FOCAD: variants seen among roughly 807,000 people sequenced by gnomAD.
FOCAD encodes the protein KIAA1797.
Under a neutral mutation model 225.6 loss-of-function variants are expected in FOCAD, and 198 were observed. The ratio of observed to expected loss-of-function variants is 0.88; its 90% confidence interval spans 0.78 to 0.99. The LOEUF (loss-of-function observed/expected upper bound fraction) is 0.99. Among genes scored for constraint, FOCAD ranks in the 50% least tolerant of loss-of-function variants. The probability of loss-of-function intolerance (pLI) is 0.00; values close to 1 mark genes in which losing one functional copy is unlikely to be tolerated. For missense variants in FOCAD, 2,713 were observed against 2,123.6 expected (o/e 1.28, Z -5.46); for synonymous variants, 897 against 755.0 (o/e 1.19, Z -3.08).
intron 1 of FOCAD, among the ~76,000 whole-genome samples, chr9:20,702,829 T>G (rs1001229436): frequency 2.0e-5 from 3 of 152,120 alleles, no homozygotes; most frequent in Non-Finnish European, 2.9e-5. Flanking sequence ...TCTTGTGGAG[T>G]GCTTAGCACA....
At chr9:20,839,971 G>T (rs1412324815) in intron 15 of FOCAD, among the ~76,000 whole-genome samples, 2 of 152,032 alleles carry the variant, frequency 1.3e-5, no homozygotes, top group African/African-American at 4.8e-5. Context: ...GTTCACTCTA[G>T]ATGTATGGAT....
chr9:20,953,165 A>T, intron 35 of FOCAD, 100 bp downstream of exon 35: 1 of 913,654 alleles, frequency 1.1e-6, no homozygotes, highest in African/African-American at 1.7e-5. Context: ...AAGCAATATA[A>T]ATCTGAAGGG....
chr9:20,973,932 C>G (rs1028119675), intron 35 of FOCAD, among the ~76,000 whole-genome samples: 3 of 106,128 alleles, frequency 2.8e-5, no homozygotes, highest in Non-Finnish European at 4.2e-5. Context: ...ATGGCCTCTG[C>G]TTCTCCTTTT....
At chr9:20,924,968 T>C (rs1834804788) in intron 25 of FOCAD, among the ~76,000 whole-genome samples, 1 of 152,134 alleles carries the variant, frequency 6.6e-6, no homozygotes, top group Non-Finnish European at 1.5e-5. Context: ...ATTGAGCATT[T>C]AACTAACCTT....
At position 20,993,292 on chromosome 9, in the gene FOCAD, G is replaced by C; in HGVS notation, c.5296G>C (p.Glu1766Gln). 6.2e-7 allele frequency: 1 copy of C among 1,614,014 alleles called. No homozygotes were observed. Among genetic ancestry groups the C allele is most frequent in the Non-Finnish European group, 8.5e-7 (1 of 1,179,950 alleles). The change falls in exon 43 of 44, where the codon GAA becomes CAA. Residue 1766 changes from glutamate (E) to glutamine (Q), a missense_variant. Physicochemically the swap from Glu to Gln is conservative, Grantham distance 29 (BLOSUM62 2). Transcript: ENST00000338382. ...WLFSIMESPK[E>Q]ALSAQSRDLL... ...ATTCAGCATCATGGAAAGCCCTAAA[G>C]AAGCCCTCTCAGCACAGTCCAGGGA... is the stretch of plus-strand genomic sequence containing the variant.
intron 4 of FOCAD, among the ~76,000 whole-genome samples, chr9:20,728,346 C>T (rs142911809): frequency 3.4e-4 from 52 of 152,238 alleles, no homozygotes; most frequent in Middle Eastern, 3.4e-3. Context: ...ATTTCATGTA[C>T]ACCTTATACA....
intron 10 of FOCAD, among the ~76,000 whole-genome samples, chr9:20,785,203 A>T (rs1819788868): frequency 6.6e-6 from 1 of 152,246 alleles, no homozygotes; most frequent in Admixed American, 6.5e-5. Context: ...ACTGTCATGC[A>T]GTGGGAACCC....
At chr9:20,828,944 A>G (rs1285215243) in intron 15 of FOCAD, among the ~76,000 whole-genome samples, 1 of 152,124 alleles carries the variant, frequency 6.6e-6, no homozygotes, top group Non-Finnish European at 1.5e-5. Context: ...AGCTCCATCC[A>G]TGTTCCTGCA....
rs79574715 is a variant in FOCAD, at chr9:20,986,692, A to T, written c.4906+227A>T. ...ATTCTTTCGAGGGGTTTTGTTTTCT[A>T]TTTGGCTCTGTAGACCCTCACAGTT... On this transcript the variant is annotated intron_variant, in intron 40 of 43. Coordinates refer to ENST00000338382, the MANE Select transcript of FOCAD (RefSeq NM_001375567.1). Among the ~76,000 whole-genome samples the T allele has an allele frequency of 6.6e-3, 1,007 of 152,170 alleles. 12 individuals carry two copies. Among genetic ancestry groups the T allele is most frequent in the African/African-American group, 0.023 (952 of 41,512 alleles).
Position 20,795,676 on chromosome 9 carries a change from C to T in FOCAD, c.1455+6068C>T, listed in dbSNP as rs961893446. Among the ~76,000 whole-genome samples, 24 of 145,178 alleles carry T rather than the reference C, an allele frequency of 1.7e-4. No individual in the cohort carries two copies. In the South Asian group the frequency reaches 4.3e-3, roughly 26 times the overall value. ...GCGGGTGCCTGTAGTCCCAGCTACT[C>T]GGGAGTCTGAGGCAGGAGAATGGCG... On this transcript the variant is annotated intron_variant, in intron 11 of 43. Transcript: ENST00000338382.
At chr9:20,737,374 A>G (rs1427277108) in intron 4 of FOCAD, among the ~76,000 whole-genome samples, 2 of 152,252 alleles carry the variant, frequency 1.3e-5, no homozygotes, top group African/African-American at 2.4e-5. Flanking sequence ...AGGAAAACCA[A>G]TATAGTTTCA....
chr9:20,728,362 C>A (rs1054557395), intron 4 of FOCAD, among the ~76,000 whole-genome samples: 1 of 152,020 alleles, frequency 6.6e-6, no homozygotes, highest in Non-Finnish European at 1.5e-5. Context: ...ATACAGATAG[C>A]CTGAAGGTAA....
intron 34 of FOCAD, 51 bp downstream of exon 34, chr9:20,951,149 C>G (rs749650026): frequency 3.6e-6 from 5 of 1,373,906 alleles, no homozygotes; most frequent in Admixed American, 3.4e-5. Flanking sequence ...GATTGCCGAC[C>G]CAGCGCTCTG....
chr9:20,825,289 C>A (rs1369895223), intron 15 of FOCAD, among the ~76,000 whole-genome samples: 1 of 151,786 alleles, frequency 6.6e-6, no homozygotes, highest in African/African-American at 2.4e-5. Context: ...TAACTGGGGG[C>A]TCATCTTTTG....
chr9:20,930,178 T>C (rs1835333492), intron 27 of FOCAD, among the ~76,000 whole-genome samples: 1 of 106,578 alleles, frequency 9.4e-6, no homozygotes, highest in Non-Finnish European at 2.2e-5. Context: ...TTGCTCATTT[T>C]TGGACTGCTA....
chr9:20,817,033 C>G (rs747032671), intron 11 of FOCAD, among the ~76,000 whole-genome samples: 9 of 152,082 alleles, frequency 5.9e-5, no homozygotes, highest in Non-Finnish European at 1.3e-4. Flanking sequence ...TCTGACCATC[C>G]TGGAACCAGT....
intron 15 of FOCAD, among the ~76,000 whole-genome samples, chr9:20,838,000 G>A (rs945439703): frequency 1.3e-5 from 2 of 152,116 alleles, no homozygotes; most frequent in Admixed American, 6.6e-5. Context: ...TTAAGACAGC[G>A]AGACTGGTAA....
intron 1 of FOCAD, among the ~76,000 whole-genome samples, chr9:20,714,897 G>A (rs889931950): frequency 3.5e-4 from 53 of 152,150 alleles, no homozygotes; most frequent in African/African-American, 1.2e-3. Flanking sequence ...GTCACTAGCA[G>A]TTGGATTAGT....
At chr9:20,970,072 A>G (rs957711908) in intron 35 of FOCAD, among the ~76,000 whole-genome samples, 1 of 151,636 alleles carries the variant, frequency 6.6e-6, no homozygotes, top group African/African-American at 2.4e-5. Flanking sequence ...TGAGCTGTTA[A>G]TCTTATTGGG....
Sources: allele counts gnomAD v4.1 joint callset (sites outside exome capture counted in the v4.1 genomes callset), GRCh38; gene constraint gnomAD v4.1.1; transcripts MANE v1.5; gene names NCBI Gene and HGNC (gene_info 2026-07-23, HGNC 2026-07-21).